Variants in NAV3 observed in about 807,000 individuals in gnomAD.
The protein encoded by NAV3 is neuron navigator 3, also known as pore membrane and/or filament interacting like protein 1.
A neutral mutation model predicts 244.7 loss-of-function variants in NAV3; 87 were observed. The observed-to-expected ratio is 0.36, with a 90% CI of 0.30 to 0.42. The LOEUF (loss-of-function observed/expected upper bound fraction) is 0.42, where lower values mean the gene tolerates loss of function less well. Among genes scored for constraint, NAV3 ranks in the 20% least tolerant of loss-of-function variants. The pLI is 1.00. For synonymous variants in NAV3, 1,126 were observed against 1,042.2 expected, an observed-to-expected ratio of 1.08 and a Z score of -1.55; for missense variants, 2,663 against 2,893.3, an observed-to-expected ratio of 0.92 and a Z score of 1.83.
At chr12:77,895,955 TAAAAAAAA>T (rs755975061) in intron 1 of NAV3, among the ~76,000 whole-genome samples, 4 of 104,618 alleles carry the variant, frequency 3.8e-5, no homozygotes, top group African/African-American at 7.2e-5. Context: ...CAATTTCCAG[TAAAAAAAA>T]AAAAAAAAAA....
chr12:78,150,629 C>CCACACACACACACACA (rs765969323), intron 22 of NAV3, among the ~76,000 whole-genome samples: 3 of 122,528 alleles, frequency 2.4e-5, no homozygotes, highest in African/African-American at 2.9e-5. Flanking sequence ...GCAAAAGCTT[C>CCACACACACACACACA]CTCACACACA....
intron 9 of NAV3, among the ~76,000 whole-genome samples, chr12:78,035,735 G>GT (rs1370488142): frequency 1.3e-5 from 2 of 152,036 alleles, no homozygotes; most frequent in East Asian, 3.9e-4. Context: ...TTTCCTTTTT[G>GT]TTTTTACAAA....
intron 11 of NAV3, among the ~76,000 whole-genome samples, chr12:78,056,665 G>A (rs1310386303): frequency 6.6e-6 from 1 of 151,206 alleles, no homozygotes; most frequent in Non-Finnish European, 1.5e-5. Context: ...GGAAGCAGAG[G>A]TTGCAGTGAG....
intron 1 of NAV3, among the ~76,000 whole-genome samples, chr12:77,875,308 T>G (rs2136517924): frequency 6.6e-6 from 1 of 152,210 alleles, no homozygotes; most frequent in Admixed American, 6.5e-5. Flanking sequence ...GTCATCCCTG[T>G]ATATTATACT....
chr12:78,165,223 G>A (rs1022022414), intron 23 of NAV3, among the ~76,000 whole-genome samples: 4 of 151,922 alleles, frequency 2.6e-5, no homozygotes, highest in African/African-American at 9.7e-5. Context: ...TTGGTTCTCA[G>A]GTTTTAAAAT....
At chr12:77,868,343 T>C (rs1038071758) in intron 1 of NAV3, among the ~76,000 whole-genome samples, 2 of 152,190 alleles carry the variant, frequency 1.3e-5, no homozygotes, top group Non-Finnish European at 2.9e-5. Context: ...GTTATTCTAT[T>C]TTATCTTATT....
intron 2 of NAV3, among the ~76,000 whole-genome samples, chr12:77,771,441 G>A (rs933168990): frequency 4.6e-5 from 7 of 151,256 alleles, no homozygotes; most frequent in South Asian, 2.1e-4. Context: ...TATAAATCAT[G>A]CTGCTATAAA....
intron 11 of NAV3, among the ~76,000 whole-genome samples, chr12:78,057,532 G>T (rs920461629): frequency 6.6e-6 from 1 of 152,056 alleles, no homozygotes; most frequent in South Asian, 2.1e-4. Context: ...TCACTTTCAG[G>T]ATATGAGCTA....
At chr12:77,979,706 A>G (rs1302198998) in intron 5 of NAV3, among the ~76,000 whole-genome samples, 2 of 129,904 alleles carry the variant, frequency 1.5e-5, no homozygotes, top group Non-Finnish European at 3.2e-5. Flanking sequence ...AACGAAAAAA[A>G]AAAAAGAAAA....
rs145209546 is a variant in NAV3, at chr12:77,653,133, T to C, written c.72+80867T>C. On this transcript the variant is annotated intron_variant, in intron 2 of 8. Coordinates refer to the NAV3 transcript ENST00000550042. Reference sequence around the variant, plus strand: ...TCAAGAAGGGTTACAGAATGCAACATAGCAAAAGCTGATTCTATGATGAAT... The same window carrying C: ...TCAAGAAGGGTTACAGAATGCAACACAGCAAAAGCTGATTCTATGATGAAT... Among the ~76,000 whole-genome samples the C allele has an allele frequency of 6.5e-3, 985 of 152,314 alleles. 3 individuals carry two copies. The highest frequency in any genetic ancestry group is 9.5e-3 in the Non-Finnish European group (648 of 68,020).
chr12:78,154,320 T>TTACTATATAATATATAATATATAC (rs1565731462), intron 22 of NAV3, among the ~76,000 whole-genome samples: 11 of 74,136 alleles, frequency 1.5e-4, no homozygotes, highest in African/African-American at 3.9e-4. Context: ...ATAGTATATA[T>TTACTATATAATATATAATATATAC]ATAGTATATA....
At chr12:77,945,522 G>C (rs143161802) in intron 3 of NAV3, among the ~76,000 whole-genome samples, 4 of 152,136 alleles carry the variant, frequency 2.6e-5, no homozygotes, top group Admixed American at 2.0e-4. Flanking sequence ...TTCTAGTTCT[G>C]TAGGGTATAA....
chr12:77,593,087 C>T (rs954930977), intron 2 of NAV3, among the ~76,000 whole-genome samples: 18 of 152,012 alleles, frequency 1.2e-4, no homozygotes, highest in Non-Finnish European at 1.3e-4. Flanking sequence ...CAGCCTGTAA[C>T]GAGCATACAA....
intron 19 of NAV3, 93 bp downstream of exon 19, chr12:78,137,458 A>T: frequency 7.7e-7 from 1 of 1,294,554 alleles, no homozygotes; most frequent in Non-Finnish European, 1.0e-6. Context: ...ATTCCTGAAG[A>T]GGAAAATAAA....
At chr12:77,636,095 A>T (rs1400185782) in intron 2 of NAV3, among the ~76,000 whole-genome samples, 2 of 152,186 alleles carry the variant, frequency 1.3e-5, no homozygotes, top group Non-Finnish European at 2.9e-5. Context: ...GCTCATCATC[A>T]CTGGTCATTA....
At position 77,593,280 on chromosome 12, in the gene NAV3, C is replaced by CTGTGTGTG. The variant is rs10538987; in HGVS notation, c.72+21030_72+21037dup. Reference sequence around the variant, plus strand: ...TATGTATGAGTGTGTGTATGTGTGTCTGTGTGTGTGTGTGTGTGTGTGTAT... The same window carrying CTGTGTGTG: ...TATGTATGAGTGTGTGTATGTGTGTCTGTGTGTGTGTGTGTGTGTGTGTGTGTGTGTAT... On this transcript the variant is annotated intron_variant, in intron 2 of 8. Transcript: ENST00000550042. Among the ~76,000 whole-genome samples, 784 of 149,144 alleles carry CTGTGTGTG rather than the reference C, an allele frequency of 5.3e-3. 7 individuals are homozygous for CTGTGTGTG. Among genetic ancestry groups the CTGTGTGTG allele is most frequent in the African/African-American group, 0.015 (599 of 39,672 alleles).
chr12:78,069,372 A>G (rs971190269), intron 12 of NAV3, among the ~76,000 whole-genome samples: 17 of 152,044 alleles, frequency 1.1e-4, no homozygotes, highest in African/African-American at 4.1e-4. Context: ...GTGAAGAAGA[A>G]TCTAAAAAGA....
intron 2 of NAV3, among the ~76,000 whole-genome samples, chr12:77,604,136 T>A (rs973649761): frequency 1.3e-5 from 2 of 152,008 alleles, no homozygotes; most frequent in Non-Finnish European, 2.9e-5. Flanking sequence ...AGGATAAATA[T>A]GATGAGGGCA....
chr12:77,785,102 G>A (rs1230613349), intron 2 of NAV3, among the ~76,000 whole-genome samples: 1 of 152,148 alleles, frequency 6.6e-6, no homozygotes, highest in East Asian at 1.9e-4. Flanking sequence ...GTGAATCCAT[G>A]GAAAGCTGGA....
Sources: allele counts gnomAD v4.1 joint callset (sites outside exome capture counted in the v4.1 genomes callset), GRCh38; gene constraint gnomAD v4.1.1; transcripts MANE v1.5; gene names NCBI Gene and HGNC (gene_info 2026-07-23, HGNC 2026-07-21).